CERT1: variants seen among roughly 807,000 people sequenced by gnomAD.
CERT1 encodes the protein ceramide transfer protein.
Under a neutral mutation model 87.9 loss-of-function variants are expected in CERT1, and 31 were observed. The observed-to-expected ratio is 0.35, with a 90% CI of 0.27 to 0.48. CERT1 has a LOEUF of 0.48. Ranked by LOEUF, CERT1 falls within the 20% of genes least tolerant of loss-of-function variation. CERT1 has a pLI of 0.99. For synonymous variants in CERT1, 289 were observed against 250.9 expected, an observed-to-expected ratio of 1.15 and a Z score of -1.44; for missense variants, 487 against 758.0, an observed-to-expected ratio of 0.64 and a Z score of 4.20.
chr5:75,369,538 G>C (rs1761011563), intron 17 of CERT1: 1 of 152,130 alleles, frequency 6.6e-6, no homozygotes, highest in Non-Finnish European at 1.5e-5. Flanking sequence ...AAGAGTCAGG[G>C]AATCAGTAGG....
intron 16 of CERT1, 110 bp from the exon 17 acceptor site, chr5:75,379,583 A>G: frequency 2.0e-6 from 2 of 1,008,164 alleles, no homozygotes; most frequent in Non-Finnish European, 2.9e-6. Context: ...TGGACCAATT[A>G]GCATCTTTTT....
chr5:75,465,268 C>T (rs185382920), intron 2 of CERT1, among the ~76,000 whole-genome samples: 14 of 152,314 alleles, frequency 9.2e-5, no homozygotes, highest in African/African-American at 3.1e-4. Flanking sequence ...ACACTTAGCA[C>T]CACCATCACA....
chr5:75,430,736 C>CAA (rs573577208), intron 3 of CERT1, among the ~76,000 whole-genome samples: 1 of 143,202 alleles, frequency 7.0e-6, no homozygotes, highest in Non-Finnish European at 1.5e-5. Context: ...AATCAGTTCA[C>CAA]AAAAAAAAAA....
At chr5:75,439,099 T>A (rs375526455) in intron 3 of CERT1, among the ~76,000 whole-genome samples, 2 of 151,940 alleles carry the variant, frequency 1.3e-5, no homozygotes, top group African/African-American at 4.8e-5. Flanking sequence ...ACCTTTATGC[T>A]TTAGACTTTG....
At chr5:75,419,504 T>C (rs1468636323) in intron 5 of CERT1, 80 bp from the exon 6 acceptor site, 3 of 915,142 alleles carry the variant, frequency 3.3e-6, no homozygotes, top group Non-Finnish European at 5.2e-6. Flanking sequence ...CTGAGTCATT[T>C]TACTCTGGAT....
chr5:75,465,095 A>G (rs757834839), intron 2 of CERT1, among the ~76,000 whole-genome samples: 49 of 152,164 alleles, frequency 3.2e-4, no homozygotes, highest in Middle Eastern at 3.2e-3. Context: ...AGTCAACCAG[A>G]GACTTGAAGA....
chr5:75,471,678 C>G (rs1205865467), intron 2 of CERT1, among the ~76,000 whole-genome samples: 1 of 150,116 alleles, frequency 6.7e-6, no homozygotes, highest in South Asian at 2.1e-4. Context: ...ATTGCTTGAA[C>G]CTGGGAGGCA....
chr5:75,493,420 T>C (rs1223357349), intron 2 of CERT1, among the ~76,000 whole-genome samples: 1 of 152,262 alleles, frequency 6.6e-6, no homozygotes. Context: ...TCTGTCCTTA[T>C]ACTCGCTTGG....
At chr5:75,457,949 C>T (rs565927383) in intron 3 of CERT1, among the ~76,000 whole-genome samples, 1 of 119,424 alleles carries the variant, frequency 8.4e-6, no homozygotes, top group Non-Finnish European at 1.7e-5. Context: ...GTGTTTTGTG[C>T]CTGTTAAAAA....
intron 1 of CERT1, among the ~76,000 whole-genome samples, chr5:75,510,304 C>T (rs1444208682): frequency 6.6e-6 from 1 of 152,064 alleles, no homozygotes; most frequent in African/African-American, 2.4e-5. Flanking sequence ...AAAAAAATCC[C>T]CACAACTATG....
At chr5:75,399,248 G>C (rs1310588301) in intron 11 of CERT1, 62 bp downstream of exon 11, 3 of 1,255,506 alleles carry the variant, frequency 2.4e-6, no homozygotes, top group African/African-American at 3.0e-5. Flanking sequence ...CTAGGAACTG[G>C]GAAAGCAGGC....
rs1767633738 is a variant in CERT1 at position 75,505,983 on chromosome 5, G to C, written c.230C>G (p.Thr77Arg). 1 of 1,612,310 alleles carries C rather than the reference G, an allele frequency of 6.2e-7. No homozygotes were observed. The highest frequency in any genetic ancestry group is 1.3e-5 in the African/African-American group (1 of 74,864). The change falls in exon 2 of 17, where the codon ACA becomes AGA. Residue 77 changes from threonine (T) to arginine (R), a missense_variant and splice_region_variant. Physicochemically the swap from Thr to Arg is moderately conservative, Grantham distance 71 (BLOSUM62 -1). Around this residue, in one of 8 missense-constraint regions of CERT1, gnomAD observed 173 missense variants for 302.2 expected, o/e 0.57. Transcript: ENST00000643780. ...GAATGAAGAAGAAAAGGAACTTACT[G>C]TGATGACAGCCTTGCTAAGACAGAT... Reference protein sequence around the residue: ...GSICLSKAVITPHDFDECRFD... With the variant: ...GSICLSKAVIRPHDFDECRFD...
chr5:75,484,077 A>G (rs1003041941), intron 2 of CERT1, among the ~76,000 whole-genome samples: 1 of 152,100 alleles, frequency 6.6e-6, no homozygotes, highest in Non-Finnish European at 1.5e-5. Context: ...AAAGTTTAAA[A>G]GTGGGGGGTG....
chr5:75,491,693 T>C (rs1766805493), intron 2 of CERT1, among the ~76,000 whole-genome samples: 2 of 152,162 alleles, frequency 1.3e-5, no homozygotes, highest in Admixed American at 6.5e-5. Flanking sequence ...TTTTCTTACA[T>C]GATTATTTTG....
chr5:75,413,854 C>T (rs1763028735), intron 7 of CERT1, among the ~76,000 whole-genome samples: 1 of 152,246 alleles, frequency 6.6e-6, no homozygotes, highest in East Asian at 1.9e-4. Context: ...TCAGTATCCA[C>T]TAAAGTTAAG....
chr5:75,374,630 G>C (rs1350107721), downstream of CERT1: 4 of 658,888 alleles, frequency 6.1e-6, no homozygotes, highest in South Asian at 1.4e-5. Flanking sequence ...TTTCCGAAGC[G>C]AGTGTCTTTG....
rs7700468 is a variant in CERT1, at chr5:75,379,251, T to C, written c.*95A>G. On this transcript the variant is annotated 3_prime_UTR_variant, in exon 17 of 17. Coordinates refer to ENST00000643780, the MANE Select transcript of CERT1 (RefSeq NM_001379029.1). ...TATAGGGGAACATCAAAAAACATAG[T>C]AAATACTTTCAACAACTAAATTTTA... The C allele has an allele frequency of 0.29, 326,444 of 1,127,648 alleles. 58,320 individuals are homozygous for C. The highest frequency in any genetic ancestry group is 0.8 in the African/African-American group (51,462 of 64,086). The allele number at this position is 1,127,648 out of a possible 1,614,324, so 69.9% of individuals were successfully genotyped here.
intron 2 of CERT1, among the ~76,000 whole-genome samples, chr5:75,487,345 AT>A (rs765991116): frequency 2.6e-5 from 4 of 152,106 alleles, no homozygotes; most frequent in Non-Finnish European, 5.9e-5. Flanking sequence ...TGGATTAAAT[AT>A]TTAAATCTAA....
Position 75,465,534 on chromosome 5 carries a change from A to T in CERT1, c.232-6353T>A, listed in dbSNP as rs78466403. On this transcript the variant is annotated intron_variant, in intron 2 of 16. Transcript: ENST00000643780. The stretch of plus-strand genomic sequence containing the variant: ...AGAAATTGATTCTTGCTCACTTAAG[A>T]AGAAAAGGAATTCATTTAGAAGGTA... Among the ~76,000 whole-genome samples the T allele has an allele frequency of 2.1e-3, 318 of 152,320 alleles. 2 individuals are homozygous for T. In the East Asian group the frequency reaches 0.027, roughly 13 times the overall value.
Sources: gnomAD v4.1 joint callset for allele counts (sites outside exome capture counted in the v4.1 genomes callset) on GRCh38, gnomAD v4.1.1 for gene constraint, gnomAD v4.1.1 regional missense constraint, MANE v1.5 for transcripts, NCBI Gene and HGNC (gene_info 2026-07-23, HGNC 2026-07-21) for gene names.